The following PAPSS2 variants were observed in gnomAD, a reference collection of about 807,000 sequenced individuals.
The protein encoded by PAPSS2 is bifunctional 3'-phosphoadenosine 5'-phosphosulfate synthase 2.
In PAPSS2, 61 loss-of-function variants were observed where a neutral mutation model predicts 66.5. The ratio of observed to expected loss-of-function variants is 0.92; its 90% CI spans 0.75 to 1.14. The LOEUF is 1.14. Among genes scored for constraint, PAPSS2 ranks in the 50% most tolerant of loss-of-function variants. PAPSS2 has a pLI of 0.00. For synonymous variants in PAPSS2, 289 were observed against 287.5 expected, an observed-to-expected ratio of 1.01 and a Z score of -0.05; for missense variants, 708 against 789.6, an observed-to-expected ratio of 0.90 and a Z score of 1.24.
intron 9 of PAPSS2, among the ~76,000 whole-genome samples, chr10:87,733,963 G>A (rs1377304310): frequency 6.6e-6 from 1 of 151,886 alleles, no homozygotes; most frequent in East Asian, 1.9e-4. Context: ...CAGTCACCAC[G>A]TCCTGCCAAA....
rs367885911 is a variant in PAPSS2, at chr10:87,713,312, TAAAAAAAAA to T, written c.381+16_381+24del. On this transcript the variant is annotated splice_donor_5th_base_variant and intron_variant, in intron 3 of 12. Coordinates refer to ENST00000456849, the MANE Select transcript of PAPSS2 (RefSeq NM_001015880.2). ...AGCTTTATTTCTCCATTCGCAAAGG[TAAAAAAAAA>T]AAAAAAAAAAAAAGGCACTACACAC... 4.2e-5 allele frequency: 24 copies of T among 573,400 alleles called. No individual in the cohort carries two copies. The highest frequency in any genetic ancestry group is 1.7e-4 in the South Asian group (8 of 46,070). The allele number at this position is 573,400 out of a possible 1,614,324, so 35.5% of individuals were successfully genotyped here.
At chr10:87,711,796 G>A (rs1239744100) in intron 2 of PAPSS2, among the ~76,000 whole-genome samples, 1 of 151,584 alleles carries the variant, frequency 6.6e-6, no homozygotes, top group Admixed American at 6.6e-5. Context: ...TGCTTTTTCT[G>A]CCCTTTTTCC....
In PAPSS2 at chr10:87,681,142, A is replaced by G. The variant is rs150117087; in HGVS notation, c.27+21134A>G. ...ACCACAGGACAGCCCTCCAACACAA[A>G]GAATTCTCAGGTTCAAGACATCAAT... is the stretch of plus-strand genomic sequence containing the variant. On this transcript the variant is annotated intron_variant, in intron 1 of 12. Transcript: ENST00000456849. 8.1e-3 allele frequency among the ~76,000 whole-genome samples: 1,231 copies of G among 152,332 alleles called. 17 individuals carry two copies. The highest frequency in any genetic ancestry group is 0.028 in the African/African-American group (1,160 of 41,572).
chr10:87,720,887 C>T (rs1240764865), intron 7 of PAPSS2, among the ~76,000 whole-genome samples: 1 of 152,134 alleles, frequency 6.6e-6, no homozygotes, highest in East Asian at 1.9e-4. Flanking sequence ...AAGTATAGTT[C>T]CAGGGTTGTC....
rs367885911 is a variant in PAPSS2, at chr10:87,713,312, T to TAAAAAAAAAAAAAAA, written c.381+10_381+24dup. 1.1e-3 allele frequency: 614 copies of TAAAAAAAAAAAAAAA among 575,020 alleles called. 28 individuals are homozygous for TAAAAAAAAAAAAAAA. The highest frequency in any genetic ancestry group is 2.1e-3 in the East Asian group (39 of 18,764). 35.6% of individuals were successfully genotyped at this position (575,020 alleles called of 1,614,324 possible). ...AGCTTTATTTCTCCATTCGCAAAGGTAAAAAAAAAAAAAAAAAAAAAAGGC... is the reference window on the plus strand; with the variant it reads ...AGCTTTATTTCTCCATTCGCAAAGGTAAAAAAAAAAAAAAAAAAAAAAAAAAAAAAAAAAAAAGGC... On this transcript the variant is annotated splice_region_variant and intron_variant, in intron 3 of 12. Transcript: ENST00000456849.
At chr10:87,674,378 C>T (rs1852918662) in intron 1 of PAPSS2, among the ~76,000 whole-genome samples, 1 of 152,142 alleles carries the variant, frequency 6.6e-6, no homozygotes, top group Non-Finnish European at 1.5e-5. Flanking sequence ...GTTGGCCAGG[C>T]TGGTCTTGAA....
rs202210032 is a variant in PAPSS2 at position 87,715,726 on chromosome 10, T to C, written c.754-6T>C. The C allele has an allele frequency of 5.0e-5, 80 of 1,591,432 alleles. No homozygotes were observed. The East Asian group carries it at 1.7e-3, about 34-fold the overall frequency. ...AAAATGTTCAACTACTTTTTGTGTT[T>C]TGCAGCTGGATCTCCAGTGGGTCCA... On this transcript the variant is annotated splice_region_variant and splice_polypyrimidine_tract_variant and intron_variant, in intron 6 of 12. Transcript: ENST00000456849.
Position 87,747,492 on chromosome 10 carries a change from A to T in PAPSS2, c.*1522A>T, listed in dbSNP as rs1413106667. On this transcript the variant is annotated 3_prime_UTR_variant, in exon 13 of 13. Coordinates refer to ENST00000456849, the MANE Select transcript of PAPSS2 (RefSeq NM_001015880.2). ...CTTTAATAGTATAGTGCCTATACTCATGTAATCGGTTACTCACTACTGCCT... is the reference window on the plus strand; with the variant it reads ...CTTTAATAGTATAGTGCCTATACTCTTGTAATCGGTTACTCACTACTGCCT... 6.6e-6 allele frequency: 1 copy of T among 152,490 alleles called. No individual in the cohort carries two copies. Among genetic ancestry groups the T allele is most frequent in the East Asian group, 1.9e-4 (1 of 5,192 alleles). The allele number at this position is 152,490 out of a possible 1,614,324, so 9.4% of individuals were successfully genotyped here.
chr10:87,746,108 TAAA>T lies in PAPSS2; in HGVS notation c.*145_*147del. On this transcript the variant is annotated 3_prime_UTR_variant, in exon 13 of 13. Coordinates refer to ENST00000456849, the MANE Select transcript of PAPSS2 (RefSeq NM_001015880.2). ...ATGAAGTAAAAGTTGTGTCTATAAT[TAAA>T]AAAAAATATATATATATACACACAC... is the stretch of plus-strand genomic sequence containing the variant. The T allele has an allele frequency of 3.2e-6, 2 of 631,562 alleles. No individual in the cohort carries two copies. The highest frequency in any genetic ancestry group is 2.2e-5 in the South Asian group (1 of 45,902). 39.1% of individuals were successfully genotyped at this position (631,562 alleles called of 1,614,324 possible). A position where few individuals can be genotyped will look rare whatever the true frequency, so the allele number is the denominator to read the frequency against.
intron 1 of PAPSS2, among the ~76,000 whole-genome samples, chr10:87,697,956 T>A (rs148637786): frequency 3.7e-4 from 56 of 152,368 alleles, no homozygotes; most frequent in African/African-American, 1.3e-3. Context: ...GGCAAACATC[T>A]GAATGATGCT....
chr10:87,660,669 A>G (rs1304178080), intron 1 of PAPSS2, among the ~76,000 whole-genome samples: 6 of 152,038 alleles, frequency 3.9e-5, no homozygotes. Flanking sequence ...TAATAATCTG[A>G]GCTGTCCTCC....
chr10:87,673,937 C>A (rs1335068610), intron 1 of PAPSS2, among the ~76,000 whole-genome samples: 1 of 151,928 alleles, frequency 6.6e-6, no homozygotes, highest in Non-Finnish European at 1.5e-5. Flanking sequence ...ACCATTCTAC[C>A]TCAGAGAGCC....
At chr10:87,671,602 G>T (rs1852878828) in intron 1 of PAPSS2, among the ~76,000 whole-genome samples, 1 of 152,164 alleles carries the variant, frequency 6.6e-6, no homozygotes, top group Non-Finnish European at 1.5e-5. Flanking sequence ...GCACAGTCGA[G>T]CATTCATGAG....
chr10:87,719,906 G>T (rs965000399), intron 7 of PAPSS2, among the ~76,000 whole-genome samples: 3 of 151,912 alleles, frequency 2.0e-5, no homozygotes, highest in Non-Finnish European at 2.9e-5. Flanking sequence ...TATTTTTTGA[G>T]ACAGAGTCTC....
intron 1 of PAPSS2, among the ~76,000 whole-genome samples, chr10:87,696,246 C>T (rs1456827376): frequency 6.6e-6 from 1 of 152,184 alleles, no homozygotes; most frequent in East Asian, 1.9e-4. Flanking sequence ...GTTCCATTGT[C>T]CTGTTTCAAA....
At chr10:87,727,210 G>A in intron 8 of PAPSS2, 74 bp from the exon 9 acceptor site, 1 of 1,259,400 alleles carries the variant, frequency 7.9e-7, no homozygotes, top group Non-Finnish European at 1.2e-6. Context: ...GGGGCATTGT[G>A]CACATTTGAT....
In PAPSS2 at chr10:87,727,277, T is replaced by C. The variant is rs1048966989; in HGVS notation, c.881-7T>C. ...AGTTTTCGTGCATCACATGGCTCTT[T>C]CCACAGATGGCGTGATCAACATGAG... On this transcript the variant is annotated splice_polypyrimidine_tract_variant and splice_region_variant and intron_variant, in intron 8 of 12. Coordinates refer to ENST00000456849, the MANE Select transcript of PAPSS2 (RefSeq NM_001015880.2). The C allele has an allele frequency of 3.7e-6, 6 of 1,612,432 alleles. No homozygotes were observed. In the African/African-American group the frequency reaches 5.3e-5, roughly 14 times the overall value.
At chr10:87,709,802 C>T (rs991311476) in intron 2 of PAPSS2, among the ~76,000 whole-genome samples, 1 of 152,178 alleles carries the variant, frequency 6.6e-6, no homozygotes, top group African/African-American at 2.4e-5. Context: ...AACAAACAAA[C>T]ATAAGAATCT....
At chr10:87,727,678 G>A (rs1261666587) in intron 9 of PAPSS2, among the ~76,000 whole-genome samples, 189 bp downstream of exon 9, 1 of 152,216 alleles carries the variant, frequency 6.6e-6, no homozygotes, top group African/African-American at 2.4e-5. Context: ...ATGTCTTTCT[G>A]TTTGAGGTCT....
Sources: gnomAD v4.1 joint callset for allele counts (sites outside exome capture counted in the v4.1 genomes callset) on GRCh38, gnomAD v4.1.1 for gene constraint, MANE v1.5 for transcripts, NCBI Gene and HGNC (gene_info 2026-07-23, HGNC 2026-07-21) for gene names.